The following CADM1 variants were observed in gnomAD, a reference collection of about 807,000 sequenced individuals.
The protein encoded by CADM1 is TSLC-1.
CADM1 carries 15 observed loss-of-function variants against 53.1 expected under a neutral mutation model. The observed-to-expected ratio is 0.28, with a 90% confidence interval of 0.19 to 0.44. The LOEUF (loss-of-function observed/expected upper bound fraction) is 0.44, where lower values mean the gene tolerates loss of function less well. Among genes scored for constraint, CADM1 ranks in the 20% least tolerant of loss-of-function variants. The probability of loss-of-function intolerance (pLI) is 1.00; values close to 1 mark genes in which losing one functional copy is unlikely to be tolerated. For missense variants in CADM1, 434 were observed against 611.3 expected, an observed-to-expected ratio of 0.71 and a Z score of 3.06; for synonymous variants, 281 against 243.0, an observed-to-expected ratio of 1.16 and a Z score of -1.45.
intron 5 of CADM1, among the ~76,000 whole-genome samples, chr11:115,224,936 C>T (rs951524422): frequency 1.3e-5 from 2 of 152,008 alleles, no homozygotes; most frequent in Non-Finnish European, 2.9e-5. Flanking sequence ...CAGACATTCG[C>T]AAGAAAAAAA....
intron 10 of CADM1, among the ~76,000 whole-genome samples, chr11:115,181,911 T>C (rs1939332377): frequency 6.6e-6 from 1 of 151,250 alleles, no homozygotes; most frequent in African/African-American, 2.4e-5. Context: ...GCTACTGGAG[T>C]CGCACGAAAA....
At chr11:115,218,550 A>G (rs1941280908) in intron 5 of CADM1, among the ~76,000 whole-genome samples, 1 of 152,196 alleles carries the variant, frequency 6.6e-6, no homozygotes, top group Non-Finnish European at 1.5e-5. Flanking sequence ...AAAAGAAAAA[A>G]TACTGACATT....
chr11:115,490,395 T>TA (rs1184615130), intron 1 of CADM1, among the ~76,000 whole-genome samples: 36 of 143,548 alleles, frequency 2.5e-4, no homozygotes, highest in African/African-American at 8.8e-4. Context: ...AGAACAGATT[T>TA]TTTTTTTTTT....
intron 9 of CADM1, among the ~76,000 whole-genome samples, chr11:115,191,500 AT>A (rs1346735797): frequency 1.3e-5 from 2 of 152,190 alleles, no homozygotes; most frequent in African/African-American, 4.8e-5. Flanking sequence ...AAAAAAGAGA[AT>A]TTCATAAATC....
chr11:115,224,209 A>G (rs1224985021), intron 5 of CADM1, among the ~76,000 whole-genome samples: 1 of 152,100 alleles, frequency 6.6e-6, no homozygotes, highest in Non-Finnish European at 1.5e-5. Context: ...TACCAGAGAA[A>G]CATTTATTTT....
At chr11:115,231,597 A>C in intron 3 of CADM1, 107 bp from the exon 4 acceptor site, 1 of 1,027,378 alleles carries the variant, frequency 9.7e-7, no homozygotes, top group East Asian at 2.4e-5. Flanking sequence ...TTAAATCATC[A>C]CAAGAGGCGA....
chr11:115,261,334 C>T (rs960233952), intron 1 of CADM1, among the ~76,000 whole-genome samples: 3 of 152,146 alleles, frequency 2.0e-5, no homozygotes, highest in African/African-American at 7.2e-5. Context: ...CATTAAGAGT[C>T]CCAGGACCTC....
intron 1 of CADM1, among the ~76,000 whole-genome samples, chr11:115,480,828 T>A (rs1209057121): frequency 6.6e-6 from 1 of 152,118 alleles, no homozygotes. Flanking sequence ...GCCTCAGCCC[T>A]GCAGGGTGCA....
At position 115,330,183 on chromosome 11, in the gene CADM1, G is replaced by A. The variant is rs536529611; in HGVS notation, c.125-89763C>T. Among the ~76,000 whole-genome samples the A allele has an allele frequency of 9.9e-5, 15 of 151,920 alleles. 1 individual carries two copies. The South Asian group carries it at 3.1e-3, about 32-fold the overall frequency. On this transcript the variant is annotated intron_variant, in intron 1 of 11. Transcript: ENST00000331581. ...TCCCTGCCTCCTGTCCATATCAACT[G>A]GATGAATTTTCTAAGTACAGTCAGC...
chr11:115,390,387 A>T (rs1297486923), intron 1 of CADM1, among the ~76,000 whole-genome samples: 1 of 151,342 alleles, frequency 6.6e-6, no homozygotes, highest in African/African-American at 2.4e-5. Context: ...GGGGGCAGGG[A>T]GGAGAGGGAG....
At chr11:115,449,081 C>A (rs538438083) in intron 1 of CADM1, among the ~76,000 whole-genome samples, 1 of 152,214 alleles carries the variant, frequency 6.6e-6, no homozygotes, top group African/African-American at 2.4e-5. Context: ...GCACCTTGTC[C>A]AATTTCAAGA....
At chr11:115,183,617 GAGA>G (rs565128622) in intron 10 of CADM1, among the ~76,000 whole-genome samples, 8 of 152,300 alleles carry the variant, frequency 5.3e-5, no homozygotes, top group African/African-American at 1.2e-4. Context: ...TTCTACCTCT[GAGA>G]AGGAGTGAAG....
intron 1 of CADM1, among the ~76,000 whole-genome samples, chr11:115,277,373 G>A (rs1353199689): frequency 3.9e-5 from 6 of 152,156 alleles, no homozygotes; most frequent in South Asian, 4.1e-4. Flanking sequence ...AACAGAATGT[G>A]CAGAACACTA....
At chr11:115,371,739 C>T (rs1315810279) in intron 1 of CADM1, among the ~76,000 whole-genome samples, 1 of 150,090 alleles carries the variant, frequency 6.7e-6, no homozygotes, top group Non-Finnish European at 1.5e-5. Flanking sequence ...CCCGAGTTCA[C>T]GTCATTCTCC....
chr11:115,187,245 G>A (rs976649821), intron 10 of CADM1, among the ~76,000 whole-genome samples: 1 of 152,082 alleles, frequency 6.6e-6, no homozygotes, highest in Non-Finnish European at 1.5e-5. Flanking sequence ...TCTTTATGTG[G>A]GGGTTAGGAA....
rs1938970442 is a variant in CADM1, at chr11:115,175,249, G to C, written c.*1225C>G. ...CCCTTCTTTTGTACCTCCTGCCTTT[G>C]TCAAGCCAAATCTGAAGGAATGAAA... is the stretch of plus-strand genomic sequence containing the variant. On this transcript the variant is annotated 3_prime_UTR_variant, in exon 12 of 12. Transcript: ENST00000331581. 1 of 985,502 alleles carries C rather than the reference G, an allele frequency of 1.0e-6. No individual in the cohort carries two copies. Among genetic ancestry groups the C allele is most frequent in the Non-Finnish European group, 1.2e-6 (1 of 829,936 alleles). 61.0% of individuals were successfully genotyped at this position (985,502 alleles called of 1,614,324 possible).
chr11:115,407,031 G>T (rs143755571), intron 1 of CADM1, among the ~76,000 whole-genome samples: 42 of 152,050 alleles, frequency 2.8e-4, no homozygotes, highest in African/African-American at 9.4e-4. Flanking sequence ...TAATCATCTA[G>T]TGTCGGGTGT....
At chr11:115,255,988 T>C (rs530634194) in intron 1 of CADM1, among the ~76,000 whole-genome samples, 3 of 152,350 alleles carry the variant, frequency 2.0e-5, no homozygotes, top group African/African-American at 7.2e-5. Flanking sequence ...GTGGGGTCTG[T>C]CAGTTCACAA....
In CADM1 at chr11:115,504,334, G is replaced by GCGC. The variant is rs763822269; in HGVS notation, c.58_60dup (p.Ala20dup). 4.4e-5 allele frequency: 68 copies of GCGC among 1,550,442 alleles called. No individual in the cohort carries two copies. The highest frequency in any genetic ancestry group is 5.4e-5 in the Non-Finnish European group (62 of 1,147,242). Reference sequence around the variant, plus strand: ...AGAAGCCGGAGCCGGAGCCCGGGAGGCGCCGCCGCCGCCGCTGCCGCCGCA... The same window carrying GCGC: ...AGAAGCCGGAGCCGGAGCCCGGGAGGCGCCGCCGCCGCCGCCGCTGCCGCCGCA... On this transcript the variant is annotated inframe_insertion, in exon 1 of 12. Transcript: ENST00000331581.
Sources: allele counts gnomAD v4.1 joint callset (sites outside exome capture counted in the v4.1 genomes callset), GRCh38; gene constraint gnomAD v4.1.1; transcripts MANE v1.5; gene names NCBI Gene and HGNC (gene_info 2026-07-23, HGNC 2026-07-21).